Variants in CSMD1 observed in about 807,000 individuals in gnomAD.
CSMD1 encodes the protein CUB and Sushi multiple domains 1, also known as CUB and sushi domain-containing protein 1.
A neutral mutation model predicts 417.5 loss-of-function variants in CSMD1; 213 were observed. The observed-to-expected ratio is 0.51, with a 90% CI of 0.46 to 0.57. The LOEUF is 0.57. CSMD1 is among the 20% of genes least tolerant of loss of function. The pLI is 0.00. For missense variants in CSMD1, 6,923 were observed against 4,529.7 expected (o/e 1.53, Z -15.17); for synonymous variants, 2,862 against 1,736.8 (o/e 1.65, Z -16.11).
At chr8:4,822,825 G>A (rs1320659107) in intron 1 of CSMD1, among the ~76,000 whole-genome samples, 1 of 151,984 alleles carries the variant, frequency 6.6e-6, no homozygotes, top group Non-Finnish European at 1.5e-5. Flanking sequence ...GAAACCATAT[G>A]TATTTTGTCC....
At chr8:3,113,175 T>C (rs1039116120) in intron 42 of CSMD1, 1 of 152,238 alleles carries the variant, frequency 6.6e-6, no homozygotes, top group Non-Finnish European at 1.5e-5. Context: ...GAGGAAGCTC[T>C]GCGTGGAGCA....
At chr8:3,800,402 T>C (rs1217835105) in intron 5 of CSMD1, among the ~76,000 whole-genome samples, 1 of 152,172 alleles carries the variant, frequency 6.6e-6, no homozygotes, top group Non-Finnish European at 1.5e-5. Flanking sequence ...TTAATGCAAT[T>C]ATTGACACCT....
chr8:4,797,329 G>A (rs1563415087), intron 1 of CSMD1, among the ~76,000 whole-genome samples: 2 of 152,178 alleles, frequency 1.3e-5, no homozygotes, highest in South Asian at 2.1e-4. Flanking sequence ...AGCTGAGAGT[G>A]CACCTGGAAT....
At chr8:3,702,939 G>A (rs1382153179) in intron 7 of CSMD1, among the ~76,000 whole-genome samples, 3 of 152,150 alleles carry the variant, frequency 2.0e-5, no homozygotes, top group African/African-American at 7.2e-5. Context: ...AGAAAATGGG[G>A]GATGGGTGCT....
intron 5 of CSMD1, among the ~76,000 whole-genome samples, chr8:3,905,573 C>A (rs912720135): frequency 1.3e-5 from 2 of 152,228 alleles, no homozygotes; most frequent in Non-Finnish European, 2.9e-5. Flanking sequence ...TGTGCAAACA[C>A]AGATGGCTGG....
rs1563083836 is a variant in CSMD1, at chr8:3,144,799, G to GC, written c.6032-2126_6032-2125insG. Among the ~76,000 whole-genome samples, 514 of 138,534 alleles carry GC rather than the reference G, an allele frequency of 3.7e-3. 14 individuals carry two copies. Among genetic ancestry groups the GC allele is most frequent in the African/African-American group, 0.014 (497 of 34,520 alleles). The allele number at this position is 138,534 out of a possible 152,430, so 90.9% of individuals were successfully genotyped here. On this transcript the variant is annotated intron_variant, in intron 40 of 69. Coordinates refer to ENST00000635120, the MANE Select transcript of CSMD1 (RefSeq NM_033225.6). The stretch of plus-strand genomic sequence containing the variant: ...AGGGAGAGAAAGAGGCAACAAGGGG[G>GC]GGGGGGAGGGAGGGAGGGAGAAGGG...
At chr8:3,659,551 T>G (rs1798305248) in intron 7 of CSMD1, among the ~76,000 whole-genome samples, 2 of 152,182 alleles carry the variant, frequency 1.3e-5, no homozygotes, top group African/African-American at 2.4e-5. Flanking sequence ...AGTTCTTTTT[T>G]TCGGGGGGTT....
intron 3 of CSMD1, among the ~76,000 whole-genome samples, chr8:4,162,976 G>C (rs1484897624): frequency 2.0e-5 from 3 of 152,048 alleles, no homozygotes; most frequent in Non-Finnish European, 4.4e-5. Context: ...CCCTAGAGTA[G>C]GAATCACAAA....
intron 33 of CSMD1, among the ~76,000 whole-genome samples, chr8:3,197,833 T>G (rs2116707608): frequency 6.6e-6 from 1 of 152,324 alleles, no homozygotes; most frequent in African/African-American, 2.4e-5. Flanking sequence ...ACTTTTCATG[T>G]GTATGCAAAA....
chr8:4,376,749 C>G (rs1392034293), intron 3 of CSMD1, among the ~76,000 whole-genome samples: 2 of 152,222 alleles, frequency 1.3e-5, no homozygotes, highest in Non-Finnish European at 2.9e-5. Context: ...ATTCACCCAG[C>G]TGCAATATTT....
intron 5 of CSMD1, among the ~76,000 whole-genome samples, chr8:3,797,254 T>C (rs73658271): frequency 0.019 from 2,842 of 152,006 alleles, 105 homozygotes; most frequent in African/African-American, 0.065. Flanking sequence ...CAAGTGGCTA[T>C]AAAGTAGTTT....
At chr8:3,268,061 C>A (rs1314563582) in intron 26 of CSMD1, among the ~76,000 whole-genome samples, 1 of 152,068 alleles carries the variant, frequency 6.6e-6, no homozygotes, top group African/African-American at 2.4e-5. Context: ...TCTTTGCCTT[C>A]CACAGCATTG....
At chr8:4,679,087 T>C (rs147352279) in intron 1 of CSMD1, among the ~76,000 whole-genome samples, 2 of 152,160 alleles carry the variant, frequency 1.3e-5, no homozygotes, top group Non-Finnish European at 2.9e-5. Flanking sequence ...TCAGGTAGCC[T>C]CACATCTGGT....
At chr8:4,657,333 G>C (rs546252662) in intron 1 of CSMD1, among the ~76,000 whole-genome samples, 21 of 152,278 alleles carry the variant, frequency 1.4e-4, no homozygotes, top group African/African-American at 4.8e-4. Flanking sequence ...TCAACTGGCA[G>C]ACTGAGAGAG....
chr8:3,908,210 C>T (rs188241365), intron 5 of CSMD1, among the ~76,000 whole-genome samples: 132 of 152,108 alleles, frequency 8.7e-4, no homozygotes, highest in African/African-American at 3.0e-3. Context: ...ACATAATAGT[C>T]ATTATCAAAT....
chr8:3,575,160 C>T, intron 9 of CSMD1, 94 bp from the exon 10 acceptor site: 1 of 1,085,316 alleles, frequency 9.2e-7, no homozygotes. Flanking sequence ...TAGCTATTAT[C>T]TAATCACAGT....
chr8:4,665,901 T>A (rs1316469280), intron 1 of CSMD1, among the ~76,000 whole-genome samples: 2 of 152,194 alleles, frequency 1.3e-5, no homozygotes, highest in Non-Finnish European at 2.9e-5. Context: ...GTATAGTAGG[T>A]ATATATTTTA....
At chr8:4,453,592 C>T (rs965054453) in intron 2 of CSMD1, among the ~76,000 whole-genome samples, 4 of 152,124 alleles carry the variant, frequency 2.6e-5, no homozygotes, top group African/African-American at 7.2e-5. Context: ...AACAATTGAA[C>T]TGCTGTGAAT....
chr8:4,450,844 G>T (rs751519577), intron 2 of CSMD1, among the ~76,000 whole-genome samples: 1 of 152,096 alleles, frequency 6.6e-6, no homozygotes, highest in Non-Finnish European at 1.5e-5. Context: ...TAAGGGTGGT[G>T]GATGTGAGAG....
Sources: gnomAD v4.1 joint callset for allele counts (sites outside exome capture counted in the v4.1 genomes callset) on GRCh38, gnomAD v4.1.1 for gene constraint, MANE v1.5 for transcripts, NCBI Gene and HGNC (gene_info 2026-07-23, HGNC 2026-07-21) for gene names.